The following HIVEP3 variants were observed in gnomAD, a reference collection of about 807,000 sequenced individuals.
The protein encoded by HIVEP3 is HIVEP zinc finger 3, also known as transcription factor HIVEP3.
Under a neutral mutation model 152.8 loss-of-function variants are expected in HIVEP3, and 49 were observed. The observed-to-expected ratio is 0.32, with a 90% CI of 0.26 to 0.41. The LOEUF (loss-of-function observed/expected upper bound fraction) is 0.41. Ranked by LOEUF, HIVEP3 falls within the 10% of genes least tolerant of loss-of-function variation. HIVEP3 has a pLI of 1.00. For synonymous variants in HIVEP3, 1,269 were observed against 1,289.0 expected, an observed-to-expected ratio of 0.98 and a Z score of 0.33; for missense variants, 2,790 against 3,103.3, an observed-to-expected ratio of 0.90 and a Z score of 2.40.
At chr1:41,964,471 T>C (rs1253120322) in intron 1 of HIVEP3, among the ~76,000 whole-genome samples, 1 of 152,258 alleles carries the variant, frequency 6.6e-6, no homozygotes, top group Non-Finnish European at 1.5e-5. Context: ...CACAGAGCTA[T>C]GCAGATGCTC....
rs929447555 is a variant in HIVEP3 at position 41,535,183 on chromosome 1, G to A, written c.5208-10273C>T. Among the ~76,000 whole-genome samples, 7 of 152,072 alleles carry A rather than the reference G, an allele frequency of 4.6e-5. No individual in the cohort carries two copies. The South Asian group carries it at 6.2e-4, about 14-fold the overall frequency. On this transcript the variant is annotated intron_variant, in intron 5 of 8. Coordinates refer to ENST00000372583, the MANE Select transcript of HIVEP3 (RefSeq NM_024503.5). ...CATCTAAACACTTTTAGATGATGCC[G>A]ACCAAGGTTTTGTTAGCATCTTCCC...
At chr1:41,754,577 G>A (rs1029771947) in intron 1 of HIVEP3, among the ~76,000 whole-genome samples, 3 of 152,196 alleles carry the variant, frequency 2.0e-5, no homozygotes, top group African/African-American at 4.8e-5. Flanking sequence ...AAGCTGAGAT[G>A]AGCGACAATA....
intron 1 of HIVEP3, among the ~76,000 whole-genome samples, chr1:41,992,800 G>C (rs1373905628): frequency 7.0e-6 from 1 of 142,288 alleles, no homozygotes; most frequent in Non-Finnish European, 1.5e-5. Flanking sequence ...CCAAAACAGA[G>C]ATATAGATCA....
intron 1 of HIVEP3, among the ~76,000 whole-genome samples, chr1:41,726,975 C>A (rs771659994): frequency 6.6e-6 from 1 of 152,144 alleles, no homozygotes; most frequent in Non-Finnish European, 1.5e-5. Context: ...ATCCTCTCTT[C>A]CTTTCTCAGA....
intron 1 of HIVEP3, among the ~76,000 whole-genome samples, chr1:41,811,199 C>G (rs1650939688): frequency 6.6e-6 from 1 of 151,342 alleles, no homozygotes; most frequent in Admixed American, 6.6e-5. Context: ...CTGGGTGTGA[C>G]CCAGGAGATC....
intron 2 of HIVEP3, among the ~76,000 whole-genome samples, chr1:41,653,680 C>T (rs964370309): frequency 1.4e-4 from 21 of 152,280 alleles, no homozygotes; most frequent in Admixed American, 9.8e-4. Context: ...GATTTCAGGG[C>T]GACACCAAAT....
At chr1:41,867,860 T>A (rs969485426) in intron 1 of HIVEP3, among the ~76,000 whole-genome samples, 14 of 151,570 alleles carry the variant, frequency 9.2e-5, no homozygotes, top group African/African-American at 3.4e-4. Flanking sequence ...TTCCCACCCC[T>A]CCAATGCTAT....
intron 1 of HIVEP3, among the ~76,000 whole-genome samples, chr1:41,917,015 T>C (rs1644881220): frequency 6.6e-6 from 1 of 152,124 alleles, no homozygotes; most frequent in African/African-American, 2.4e-5. Flanking sequence ...TACCACACTG[T>C]CCTCAGAGGG....
At chr1:41,775,223 C>G (rs905311764) in intron 1 of HIVEP3, among the ~76,000 whole-genome samples, 5 of 152,196 alleles carry the variant, frequency 3.3e-5, no homozygotes, top group Non-Finnish European at 7.3e-5. Context: ...ATTCGTCCAT[C>G]ATATTCTGGA....
At chr1:41,639,245 T>G (rs1172712224) in intron 2 of HIVEP3, among the ~76,000 whole-genome samples, 1 of 152,182 alleles carries the variant, frequency 6.6e-6, no homozygotes, top group African/African-American at 2.4e-5. Flanking sequence ...TCCTGGTGGT[T>G]CATGCTGGGA....
chr1:41,724,142 G>A (rs1441433027), intron 1 of HIVEP3, among the ~76,000 whole-genome samples: 1 of 152,214 alleles, frequency 6.6e-6, no homozygotes, highest in Non-Finnish European at 1.5e-5. Flanking sequence ...GTGTCTTGGG[G>A]TGGACTCTGA....
At chr1:41,774,263 CA>C (rs1399236376) in intron 1 of HIVEP3, among the ~76,000 whole-genome samples, 2 of 152,200 alleles carry the variant, frequency 1.3e-5, no homozygotes, top group African/African-American at 4.8e-5. Context: ...CCAGAGATGC[CA>C]CCATCCTCAC....
intron 2 of HIVEP3, among the ~76,000 whole-genome samples, chr1:41,695,669 T>A (rs556017573): frequency 2.6e-5 from 4 of 152,278 alleles, no homozygotes; most frequent in African/African-American, 9.6e-5. Flanking sequence ...GGATGTCAGG[T>A]GAGGGCATAT....
At chr1:41,790,934 T>C (rs1216520622) in intron 1 of HIVEP3, among the ~76,000 whole-genome samples, 1 of 152,132 alleles carries the variant, frequency 6.6e-6, no homozygotes, top group Non-Finnish European at 1.5e-5. Flanking sequence ...TAGACTGATC[T>C]TGCAAAAACC....
chr1:41,799,627 C>A (rs952754929), intron 1 of HIVEP3, among the ~76,000 whole-genome samples: 5 of 152,088 alleles, frequency 3.3e-5, no homozygotes, highest in Admixed American at 2.6e-4. Context: ...CCTATCAATC[C>A]CATTAGATTC....
At chr1:41,623,075 G>T (rs1006612033) in intron 3 of HIVEP3, among the ~76,000 whole-genome samples, 1 of 152,204 alleles carries the variant, frequency 6.6e-6, no homozygotes, top group Non-Finnish European at 1.5e-5. Context: ...CTGAGCTGGG[G>T]CCCTCAGTGC....
At chr1:42,010,413 G>A (rs1304849272) in intron 1 of HIVEP3, among the ~76,000 whole-genome samples, 1 of 152,138 alleles carries the variant, frequency 6.6e-6, no homozygotes, top group African/African-American at 2.4e-5. Flanking sequence ...TAGTTCATGT[G>A]TGTTTCCTTT....
Position 41,581,009 on chromosome 1 carries a change from G to A in HIVEP3, c.3789C>T (p.Thr1263=). 6.4e-7 allele frequency: 1 copy of A among 1,567,434 alleles called. No individual in the cohort carries two copies. The highest frequency in any genetic ancestry group is 1.8e-5 in the Admixed American group (1 of 54,462). Residue 1263 remains threonine, a synonymous_variant, in exon 4 of 9, where the codon ACC becomes ACT. Transcript: ENST00000372583. This position sits in a 1 kb window ranked among gnomAD's most constrained non-coding sequence, Gnocchi z 4.5. ...TTCCTGTTGCCAGTGGGGCCAGGCTGGTTTTGATCTGGGGCAGATGGCTTT... is the reference window on the plus strand; with the variant it reads ...TTCCTGTTGCCAGTGGGGCCAGGCTAGTTTTGATCTGGGGCAGATGGCTTT... ...DVESHLPQIK[T]SLAPLATGSA...
intron 5 of HIVEP3, among the ~76,000 whole-genome samples, chr1:41,530,847 A>G (rs1643223436): frequency 6.6e-6 from 1 of 152,154 alleles, no homozygotes; most frequent in Non-Finnish European, 1.5e-5. Flanking sequence ...AAATGGAGAG[A>G]GAGAGATAGG....
Sources: gnomAD v4.1 joint callset for allele counts (sites outside exome capture counted in the v4.1 genomes callset) on GRCh38, gnomAD v4.1.1 for gene constraint, Gnocchi (gnomAD v3.1) non-coding constraint, MANE v1.5 for transcripts, NCBI Gene and HGNC (gene_info 2026-07-23, HGNC 2026-07-21) for gene names.